LMAN2: variants seen among roughly 807,000 people sequenced by gnomAD.
The protein encoded by LMAN2 is vesicular integral-membrane protein VIP36.
A neutral mutation model predicts 39.3 loss-of-function variants in LMAN2; 22 were observed. The ratio of observed to expected loss-of-function variants is 0.56; its 90% CI spans 0.40 to 0.80. LMAN2 has a LOEUF of 0.80. Ranked by LOEUF, LMAN2 falls within the 30% of genes least tolerant of loss-of-function variation. The pLI is 0.00. For synonymous variants in LMAN2, 207 were observed against 207.8 expected (o/e 1.00, Z 0.03); for missense variants, 494 against 505.4 (o/e 0.98, Z 0.22).
chr5:177,332,986 C>T lies in LMAN2; in HGVS notation c.911-740G>A, dbSNP rs567445962. ...CCCACACCCAGGCCTCGGGCCCAGG[C>T]CCTGCCTTTCAGCGACGTGCATGCC... On this transcript the variant is annotated intron_variant, in intron 7 of 7. Coordinates refer to ENST00000303127, the MANE Select transcript of LMAN2 (RefSeq NM_006816.3). The surrounding 1 kb of genome is among the most constrained non-coding windows in gnomAD (Gnocchi z 6.3). 9.8e-5 allele frequency among the ~76,000 whole-genome samples: 15 copies of T among 152,322 alleles called. No homozygotes were observed. The East Asian group carries it at 2.9e-3, about 29-fold the overall frequency.
chr5:177,338,404 C>T, intron 3 of LMAN2, 84 bp downstream of exon 3: 1 of 1,090,032 alleles, frequency 9.2e-7, no homozygotes, highest in Non-Finnish European at 1.4e-6. Context: ...GAGCCACAGG[C>T]AGCCCCACCC....
chr5:177,351,654 C>T lies in LMAN2; in HGVS notation c.-7G>A. The T allele has an allele frequency of 6.3e-7, 1 of 1,577,910 alleles. No homozygotes were observed. Among genetic ancestry groups the T allele is most frequent in the Non-Finnish European group, 8.6e-7 (1 of 1,165,284 alleles). On this transcript the variant is annotated 5_prime_UTR_variant, in exon 1 of 8. Transcript: ENST00000303127. ...TCCAGCCTTCCGCCGCCATTCTCCTCTCCTCTCGGCCACTTCCGCCCTAGA... is the reference window on the plus strand; with the variant it reads ...TCCAGCCTTCCGCCGCCATTCTCCTTTCCTCTCGGCCACTTCCGCCCTAGA...
intron 6 of LMAN2, among the ~76,000 whole-genome samples, chr5:177,335,065 G>A (rs1262501424): frequency 6.6e-6 from 1 of 152,250 alleles, no homozygotes; most frequent in Admixed American, 6.5e-5. Context: ...AGGAGGCTGA[G>A]GCTCAAAGCC....
rs1581606199 is a variant in LMAN2, at chr5:177,346,380, T to C, written c.315+4793A>G. ...AGATTAAGCAGATTACTTCCATCAGTATTGAGCCAGGAGTTGAGGTGGAAG... is the reference window on the plus strand; with the variant it reads ...AGATTAAGCAGATTACTTCCATCAGCATTGAGCCAGGAGTTGAGGTGGAAG... On this transcript the variant is annotated intron_variant, in intron 2 of 7. Transcript: ENST00000303127. 8.1e-6 allele frequency: 6 copies of C among 741,750 alleles called. No homozygotes were observed. The East Asian group carries it at 2.3e-4, about 28-fold the overall frequency. 45.9% of individuals were successfully genotyped at this position (741,750 alleles called of 1,614,324 possible).
At chr5:177,335,339 C>T (rs779858133) in intron 6 of LMAN2, among the ~76,000 whole-genome samples, 5 of 152,202 alleles carry the variant, frequency 3.3e-5, no homozygotes, top group African/African-American at 7.2e-5. Flanking sequence ...TTTTCAAACT[C>T]CCAATGGTTG....
In LMAN2 at chr5:177,331,947, A is replaced by C. The variant is rs1761390559; in HGVS notation, c.*139T>G. On this transcript the variant is annotated 3_prime_UTR_variant, in exon 8 of 8. Transcript: ENST00000303127. ...ACCTGTCCCTGCTGGGCAAGAAGCAAAATGTATGAAAATACTTTAATCATT... is the reference window on the plus strand; with the variant it reads ...ACCTGTCCCTGCTGGGCAAGAAGCACAATGTATGAAAATACTTTAATCATT... 2 of 1,075,824 alleles carry C rather than the reference A, an allele frequency of 1.9e-6. No individual in the cohort carries two copies. Among genetic ancestry groups the C allele is most frequent in the African/African-American group, 1.6e-5 (1 of 62,804 alleles). 66.6% of individuals were successfully genotyped at this position (1,075,824 alleles called of 1,614,324 possible). A position where few individuals can be genotyped will look rare whatever the true frequency, so the allele number is the denominator to read the frequency against.
At chr5:177,334,146 G>T in intron 7 of LMAN2, 138 bp downstream of exon 7, 3 of 1,412,964 alleles carry the variant, frequency 2.1e-6, no homozygotes, top group Admixed American at 2.5e-5. Context: ...AGTGCCGCTT[G>T]CCAGGACCGG....
chr5:177,343,286 A>G (rs1454854812), intron 2 of LMAN2, among the ~76,000 whole-genome samples: 2 of 152,166 alleles, frequency 1.3e-5, no homozygotes, highest in African/African-American at 2.4e-5. Context: ...AATGTTGGCA[A>G]GGATGTGGAG....
At position 177,345,339 on chromosome 5, in the gene LMAN2, T is replaced by TAAAAAAAAAAAAAAAAAAAA; in HGVS notation, c.315+5814_315+5833dup. ...CTAGGTGACAGATTAAGACCCTGTCTAAAAAAAAAAAAAAAAAAAAAAAGC... is the reference window on the plus strand; with the variant it reads ...CTAGGTGACAGATTAAGACCCTGTCTAAAAAAAAAAAAAAAAAAAAAAAAAAAAAAAAAAAAAAAAAAAGC... On this transcript the variant is annotated intron_variant, in intron 2 of 7. Coordinates refer to ENST00000303127, the MANE Select transcript of LMAN2 (RefSeq NM_006816.3). Among the ~76,000 whole-genome samples the TAAAAAAAAAAAAAAAAAAAA allele has an allele frequency of 3.8e-5, 2 of 52,392 alleles. 1 individual carries two copies. The highest frequency in any genetic ancestry group is 7.3e-5 in the Non-Finnish European group (2 of 27,434). 34.4% of individuals were successfully genotyped at this position (52,392 alleles called of 152,430 possible). A position where few individuals can be genotyped will look rare whatever the true frequency, so the allele number is the denominator to read the frequency against.
chr5:177,337,126 G>T lies in LMAN2; in HGVS notation c.790+10C>A. The T allele has an allele frequency of 6.2e-7, 1 of 1,604,264 alleles. No homozygotes were observed. Among genetic ancestry groups the T allele is most frequent in the Non-Finnish European group, 8.5e-7 (1 of 1,173,174 alleles). On this transcript the variant is annotated intron_variant, in intron 6 of 7. Transcript: ENST00000303127. The surrounding 1 kb of genome is among the most constrained non-coding windows in gnomAD (Gnocchi z 8.2). ...GGGCTGGGAACCAACGCCTGGCCCG[G>T]CCCACTCACCAGACAGGTCGCCGGT...
intron 2 of LMAN2, among the ~76,000 whole-genome samples, chr5:177,343,645 A>G (rs1248428590): frequency 1.1e-5 from 1 of 89,428 alleles, no homozygotes; most frequent in Non-Finnish European, 2.4e-5. Flanking sequence ...ATACTACAGT[A>G]TGGAGGAACG....
chr5:177,345,736 C>CATTCATTCATTT (rs1554092033), intron 2 of LMAN2, among the ~76,000 whole-genome samples: 4 of 135,554 alleles, frequency 3.0e-5, no homozygotes, highest in East Asian at 2.2e-4. Flanking sequence ...CCATGGCATG[C>CATTCATTCATTT]ATTTATTTAT....
intron 6 of LMAN2, among the ~76,000 whole-genome samples, chr5:177,336,006 C>A (rs1462447208): frequency 6.6e-6 from 1 of 152,200 alleles, no homozygotes. Context: ...AGCACCTGCC[C>A]TGGGCCAAAC....
intron 3 of LMAN2, 68 bp downstream of exon 3, chr5:177,338,420 C>A: frequency 7.5e-7 from 1 of 1,329,806 alleles, no homozygotes; most frequent in Non-Finnish European, 1.1e-6. Context: ...CACCCCACCT[C>A]CCTAGGGGGC....
intron 2 of LMAN2, among the ~76,000 whole-genome samples, chr5:177,343,485 C>T (rs1561606199): frequency 2.3e-5 from 2 of 88,228 alleles, no homozygotes; most frequent in East Asian, 4.3e-4. Context: ...ATGTTCACTG[C>T]AGCACTATTC....
At chr5:177,343,665 T>C (rs1353128819) in intron 2 of LMAN2, among the ~76,000 whole-genome samples, 2 of 137,282 alleles carry the variant, frequency 1.5e-5, no homozygotes, top group African/African-American at 3.4e-5. Flanking sequence ...GTTCAACATA[T>C]GCTCAGTAAA....
At chr5:177,342,839 C>T (rs1761576855) in intron 2 of LMAN2, among the ~76,000 whole-genome samples, 1 of 151,412 alleles carries the variant, frequency 6.6e-6, no homozygotes, top group East Asian at 1.9e-4. Context: ...TTGTACTTCA[C>T]TAAAACTAAA....
intron 2 of LMAN2, among the ~76,000 whole-genome samples, chr5:177,343,867 T>C (rs1381206021): frequency 6.6e-6 from 1 of 152,110 alleles, no homozygotes; most frequent in African/African-American, 2.4e-5. Context: ...TGGTGATGGC[T>C]ACACAGCAAT....
chr5:177,344,622 T>C (rs1386340131), intron 2 of LMAN2, among the ~76,000 whole-genome samples: 1 of 151,488 alleles, frequency 6.6e-6, no homozygotes, highest in Non-Finnish European at 1.5e-5. Flanking sequence ...TTTGAGAAAT[T>C]TGACCAGATG....
Sources: allele counts gnomAD v4.1 joint callset (sites outside exome capture counted in the v4.1 genomes callset), GRCh38; gene constraint gnomAD v4.1.1; non-coding constraint Gnocchi (gnomAD v3.1); transcripts MANE v1.5; gene names NCBI Gene and HGNC (gene_info 2026-07-23, HGNC 2026-07-21).